The following NDUFAF7 variants were observed in gnomAD, a reference collection of about 807,000 sequenced individuals.
The protein encoded by NDUFAF7 is NADH:ubiquinone oxidoreductase complex assembly factor 7, also known as protein arginine methyltransferase NDUFAF7, mitochondrial.
A neutral mutation model predicts 47.2 loss-of-function variants in NDUFAF7; 48 were observed. That is an observed-to-expected ratio of 1.02 (90% CI 0.81 to 1.29). The LOEUF is 1.29. Ranked by LOEUF, NDUFAF7 falls within the 50% of genes most tolerant of loss-of-function variation. The pLI is 0.00. For synonymous variants in NDUFAF7, 217 were observed against 190.0 expected (o/e 1.14, Z -1.17); for missense variants, 635 against 537.6 (o/e 1.18, Z -1.79).
At chr2:37,242,914 G>C (rs1666503241) in intron 6 of NDUFAF7, among the ~76,000 whole-genome samples, 1 of 152,126 alleles carries the variant, frequency 6.6e-6, no homozygotes, top group Non-Finnish European at 1.5e-5. Flanking sequence ...TAATTCTTCT[G>C]ATTTGAAGAA....
chr2:37,260,530 GA>G, the NDUFAF7 span: 1 of 776,906 alleles, frequency 1.3e-6, no homozygotes, highest in Non-Finnish European at 2.1e-6. Context: ...TACAATCAAT[GA>G]AAAGGATCTT....
At chr2:37,239,954 A>G (rs962614888) in intron 4 of NDUFAF7, among the ~76,000 whole-genome samples, 3 of 152,196 alleles carry the variant, frequency 2.0e-5, no homozygotes, top group African/African-American at 7.2e-5. Context: ...TATGGTAGAT[A>G]TTCTCTCTTG....
intron 8 of NDUFAF7, 90 bp downstream of exon 8, chr2:37,246,285 T>C: frequency 7.2e-7 from 1 of 1,395,826 alleles, no homozygotes; most frequent in Non-Finnish European, 1.0e-6. Flanking sequence ...GTGCCTGGTA[T>C]TGTTGTATTA....
At chr2:37,259,100 T>C in the NDUFAF7 span, among the ~76,000 whole-genome samples, 3 of 151,932 alleles carry the variant, frequency 2.0e-5, no homozygotes, top group Non-Finnish European at 4.4e-5. Flanking sequence ...GAGTGCTACA[T>C]GTAGCCAGGA....
intron 4 of NDUFAF7, among the ~76,000 whole-genome samples, chr2:37,238,080 G>A (rs1665977187): frequency 6.6e-6 from 1 of 152,084 alleles, no homozygotes; most frequent in Non-Finnish European, 1.5e-5. Context: ...GCTAAAAATA[G>A]GAAACATTTA....
At chr2:37,257,258 T>G (rs1459894895), downstream of NDUFAF7, among the ~76,000 whole-genome samples, 1 of 152,078 alleles carries the variant, frequency 6.6e-6, no homozygotes, top group East Asian at 1.9e-4. Flanking sequence ...TCATTTGTCT[T>G]GTAAGATCAC....
intron 2 of NDUFAF7, among the ~76,000 whole-genome samples, chr2:37,234,728 CAG>C (rs1452271748): frequency 2.6e-5 from 4 of 152,038 alleles, no homozygotes; most frequent in Non-Finnish European, 4.4e-5. Context: ...TAAAAGGACT[CAG>C]GGGAGTTGTA....
At chr2:37,253,301 T>C, downstream of NDUFAF7, 1 of 1,613,132 alleles carries the variant, frequency 6.2e-7, no homozygotes, top group South Asian at 1.1e-5. Flanking sequence ...AATGTAACGT[T>C]CTCCAATGCG....
downstream of NDUFAF7, chr2:37,252,841 T>TATATATATATATATATA: frequency 1.2e-5 from 1 of 80,520 alleles, no homozygotes; most frequent in South Asian, 4.8e-4. Flanking sequence ...AAACATATAT[T>TATATATATATATATATA]TATATTTATA....
At chr2:37,245,301 A>G (rs371072419) in intron 7 of NDUFAF7, among the ~76,000 whole-genome samples, 4 of 152,218 alleles carry the variant, frequency 2.6e-5, no homozygotes, top group Non-Finnish European at 5.9e-5. Context: ...AAGGAGTACA[A>G]GTTAATGTAT....
At chr2:37,259,053 A>AAAAAAAAAAAACTCAACTG in the NDUFAF7 span, among the ~76,000 whole-genome samples, 1 of 23,556 alleles carries the variant, frequency 4.2e-5, no homozygotes, top group Non-Finnish European at 1.0e-4. Context: ...GAACACTTGG[A>AAAAAAAAAAAACTCAACTG]AAAAAAAAAA....
chr2:37,264,747 A>G, the NDUFAF7 span, among the ~76,000 whole-genome samples: 210 of 149,006 alleles, frequency 1.4e-3, no homozygotes, highest in African/African-American at 3.2e-3. Context: ...TTTGGGGGGG[A>G]AAAAAAAAGA....
At chr2:37,231,991 T>C in intron 1 of NDUFAF7, 115 bp from the exon 2 acceptor site, 1 of 1,603,218 alleles carries the variant, frequency 6.2e-7, no homozygotes, top group South Asian at 1.1e-5. Flanking sequence ...TAGCCCGCGG[T>C]CTGCGGTGGG....
At chr2:37,269,587 C>T in the NDUFAF7 span, 52 of 1,574,602 alleles carry the variant, frequency 3.3e-5, no homozygotes, top group Admixed American at 8.5e-4. Flanking sequence ...ATAATGTGTA[C>T]AATATGCAAA....
chr2:37,249,643 GACACACAC>G (rs56208997), downstream of NDUFAF7, among the ~76,000 whole-genome samples: 46,535 of 132,528 alleles, frequency 0.35, 8,418 homozygotes, highest in East Asian at 0.47. Context: ...CTGTGATAGA[GACACACAC>G]ACACACACAC....
rs533443760 is a variant in NDUFAF7, at chr2:37,238,827, A to C, written c.408+960A>C. Among the ~76,000 whole-genome samples the C allele has an allele frequency of 2.6e-5, 4 of 151,952 alleles. 1 individual carries two copies. Among genetic ancestry groups the C allele is most frequent in the African/African-American group, 9.6e-5 (4 of 41,486 alleles). Reference sequence around the variant, plus strand: ...AACTCCTTTAGGTCAGTAAGAAGACAGATAACTTGAGAAAAATCAGGCCAA... The same window carrying C: ...AACTCCTTTAGGTCAGTAAGAAGACCGATAACTTGAGAAAAATCAGGCCAA... On this transcript the variant is annotated intron_variant, in intron 4 of 9. Coordinates refer to ENST00000002125, the MANE Select transcript of NDUFAF7 (RefSeq NM_144736.5).
At chr2:37,265,165 AG>A in the NDUFAF7 span, among the ~76,000 whole-genome samples, 3 of 152,134 alleles carry the variant, frequency 2.0e-5, no homozygotes, top group Non-Finnish European at 2.9e-5. Context: ...GGAGGACTAC[AG>A]GTAAGAATGA....
intron 1 of NDUFAF7, 100 bp downstream of exon 1, chr2:37,231,860 G>C: frequency 6.3e-7 from 1 of 1,587,128 alleles, no homozygotes; most frequent in Non-Finnish European, 8.6e-7. Flanking sequence ...AGGGCTCGGG[G>C]GCTCACTTCC....
Position 37,247,555 on chromosome 2 carries a change from G to A in NDUFAF7, c.1036G>A (p.Gly346Arg), listed in dbSNP as rs1397674286. The A allele has an allele frequency of 3.1e-6, 5 of 1,613,876 alleles. No homozygotes were observed. In the African/African-American group the frequency reaches 5.3e-5, roughly 17 times the overall value. ...DFSYLRRMAQGKVASLGPIKQ... is the reference protein window; with the variant it reads ...DFSYLRRMAQRKVASLGPIKQ... ...CAGTTATTTGCGAAGAATGGCACAG[G>A]GAAAAGTAGCCTCTCTGGGCCCAAT... The change falls in exon 9 of 10, where the codon GGA (glycine) becomes AGA (arginine). Residue 346 changes from glycine (G) to arginine (R), a missense_variant. Gly to Arg is a moderately radical substitution (Grantham distance 125, BLOSUM62 -2). Transcript: ENST00000002125.
Sources: allele counts gnomAD v4.1 joint callset (sites outside exome capture counted in the v4.1 genomes callset), GRCh38; gene constraint gnomAD v4.1.1; transcripts MANE v1.5; gene names NCBI Gene and HGNC (gene_info 2026-07-23, HGNC 2026-07-21).